Variants in EFCAB8 observed in about 807,000 individuals in gnomAD.
The protein encoded by EFCAB8 is EF-hand calcium binding domain 8.
EFCAB8 carries 100 observed loss-of-function variants against 116.3 expected under a neutral mutation model. The observed-to-expected ratio is 0.86, with a 90% CI of 0.73 to 1.02. The LOEUF (loss-of-function observed/expected upper bound fraction) is 1.02, where lower values mean the gene tolerates loss of function less well. Among genes scored for constraint, EFCAB8 ranks in the 50% least tolerant of loss-of-function variants. The pLI is 0.00. For missense variants in EFCAB8, 1,320 were observed against 1,416.9 expected (o/e 0.93, Z 1.10); for synonymous variants, 558 against 567.9 (o/e 0.98, Z 0.25).
chr20:32,905,759 C>CAAAAAAAAAAA lies in EFCAB8; in HGVS notation c.1089-799_1089-789dup, dbSNP rs571052063. On this transcript the variant is annotated intron_variant, in intron 11 of 26. Transcript: ENST00000400522. ...TGGGCGACAGAGTGAGACTCCATCT[C>CAAAAAAAAAAA]AAAAAAAAAAAAAAGGACATTCCTT... 2.2e-4 allele frequency among the ~76,000 whole-genome samples: 16 copies of CAAAAAAAAAAA among 71,504 alleles called. 4 individuals carry two copies. The highest frequency in any genetic ancestry group is 4.7e-4 in the South Asian group (1 of 2,128). The allele number at this position is 71,504 out of a possible 152,430, so 46.9% of individuals were successfully genotyped here.
chr20:32,907,098 G>T, intron 13 of EFCAB8, 104 bp downstream of exon 13: 1 of 1,431,754 alleles, frequency 7.0e-7, no homozygotes, highest in Non-Finnish European at 9.1e-7. Flanking sequence ...CTGGCCAAAG[G>T]CCTAGCAGGA....
chr20:32,862,858 G>C (rs6058916), intron 1 of EFCAB8, among the ~76,000 whole-genome samples: 108,509 of 151,890 alleles, frequency 0.71, 39,146 homozygotes, highest in Middle Eastern at 0.81. Flanking sequence ...CATTTGAACT[G>C]TTGACCTCAG....
chr20:32,890,806 A>G (rs954797604), intron 7 of EFCAB8, among the ~76,000 whole-genome samples: 2 of 152,266 alleles, frequency 1.3e-5, no homozygotes, highest in Admixed American at 6.5e-5. Context: ...GCCTCGCTTT[A>G]CCCAGAGGTA....
rs764031779 is a variant in EFCAB8, at chr20:32,918,472, C to T, written c.2172C>T (p.Pro724=). Residue 724 remains proline, a synonymous_variant, in exon 19 of 27, where the codon CCC becomes CCT. Coordinates refer to ENST00000400522, the MANE Select transcript of EFCAB8 (RefSeq NM_001143967.2). The stretch of plus-strand genomic sequence containing the variant: ...CCAGGAAGCTCTCCAGTCTCAGCCC[C>T]GAGTCTGTGGCCAATACCAACCTGA... ...KTSRKLSSLS[P]ESVANTNLRR... 174 of 1,551,730 alleles carry T rather than the reference C, an allele frequency of 1.1e-4. No individual in the cohort carries two copies. Among genetic ancestry groups the T allele is most frequent in the Non-Finnish European group, 1.4e-4 (161 of 1,147,004 alleles).
At chr20:32,877,341 TG>T (rs1985031995) in intron 4 of EFCAB8, among the ~76,000 whole-genome samples, 1 of 151,774 alleles carries the variant, frequency 6.6e-6, no homozygotes, top group African/African-American at 2.4e-5. Flanking sequence ...CCCGAGTAGC[TG>T]GGATTACAGG....
Position 32,961,705 on chromosome 20 carries a change from G to T in EFCAB8, c.*96G>T. ...TTATTCCCTACCAGACCCAGAGGAT[G>T]TGGCTCTTCCCCCGGCCACCCCACT... On this transcript the variant is annotated 3_prime_UTR_variant, in exon 27 of 27. Coordinates refer to ENST00000400522, the MANE Select transcript of EFCAB8 (RefSeq NM_001143967.2). 1 of 758,808 alleles carries T rather than the reference G, an allele frequency of 1.3e-6. No homozygotes were observed. Among genetic ancestry groups the T allele is most frequent in the Non-Finnish European group, 1.8e-6 (1 of 548,382 alleles). The allele number at this position is 758,808 out of a possible 1,614,324, so 47.0% of individuals were successfully genotyped here.
intron 17 of EFCAB8, among the ~76,000 whole-genome samples, chr20:32,914,972 C>G (rs1957921374): frequency 6.6e-6 from 1 of 152,002 alleles, no homozygotes; most frequent in Admixed American, 6.6e-5. Context: ...GATTATCGCT[C>G]ACTGCAGCCT....
intron 9 of EFCAB8, 34 bp downstream of exon 9, chr20:32,893,332 TGG>T: frequency 6.4e-7 from 1 of 1,551,140 alleles, no homozygotes; most frequent in Non-Finnish European, 8.7e-7. Flanking sequence ...GGCAGAGGCC[TGG>T]GCATGGCCTA....
At chr20:32,899,213 G>A (rs897797078) in intron 11 of EFCAB8, among the ~76,000 whole-genome samples, 14 of 149,862 alleles carry the variant, frequency 9.3e-5, no homozygotes, top group African/African-American at 3.2e-4. Flanking sequence ...GCGAAACCCC[G>A]TCTCTACTAA....
At chr20:32,939,705 T>C (rs1988326482) in intron 22 of EFCAB8, among the ~76,000 whole-genome samples, 1 of 142,524 alleles carries the variant, frequency 7.0e-6, no homozygotes. Context: ...CTTTTTTTTT[T>C]CTTCTATTTG....
At chr20:32,920,292 CG>C in intron 20 of EFCAB8, 77 bp downstream of exon 20, 1 of 1,509,198 alleles carries the variant, frequency 6.6e-7, no homozygotes, top group South Asian at 1.3e-5. Flanking sequence ...GGATGGGGCT[CG>C]GGGGCCTGGG....
intron 6 of EFCAB8, 23 bp downstream of exon 6, chr20:32,885,663 G>A (rs777544913): frequency 5.6e-5 from 87 of 1,551,284 alleles, no homozygotes; most frequent in Admixed American, 7.9e-5. Flanking sequence ...CCTACACATG[G>A]TGCACACATG....
chr20:32,899,417 A>G (rs111901164), intron 11 of EFCAB8, among the ~76,000 whole-genome samples: 5,645 of 151,160 alleles, frequency 0.037, 142 homozygotes, highest in East Asian at 0.079. Context: ...AAAAAAAAAA[A>G]AAAAGAAAAA....
chr20:32,928,790 T>A (rs910058139), intron 20 of EFCAB8, among the ~76,000 whole-genome samples: 12 of 152,216 alleles, frequency 7.9e-5, no homozygotes, highest in African/African-American at 2.7e-4. Context: ...TTGTTCCTAA[T>A]TCCAGAGGAA....
At chr20:32,872,101 T>C (rs1984710773) in intron 3 of EFCAB8, among the ~76,000 whole-genome samples, 1 of 152,198 alleles carries the variant, frequency 6.6e-6, no homozygotes, top group Non-Finnish European at 1.5e-5. Flanking sequence ...TTTCCATTTA[T>C]TCCTTGATCC....
At chr20:32,878,344 G>T (rs751135268) in intron 4 of EFCAB8, among the ~76,000 whole-genome samples, 11 of 151,936 alleles carry the variant, frequency 7.2e-5, no homozygotes, top group Non-Finnish European at 1.3e-4. Context: ...AATAAACTGT[G>T]ATCACACCAC....
chr20:32,915,016 GC>G (rs1341184430), intron 17 of EFCAB8, among the ~76,000 whole-genome samples: 1 of 151,840 alleles, frequency 6.6e-6, no homozygotes, highest in Non-Finnish European at 1.5e-5. Flanking sequence ...TCCCACCCCA[GC>G]CTCCAGAGTA....
Position 32,930,558 on chromosome 20 carries a change from T to C in EFCAB8, c.2573T>C (p.Met858Thr). 6.4e-7 allele frequency: 1 copy of C among 1,552,330 alleles called. No homozygotes were observed. Among genetic ancestry groups the C allele is most frequent in the Non-Finnish European group, 8.7e-7 (1 of 1,147,114 alleles). ...LDNGDVVVGA[M>T]ATDKNDWILI... ...AATGGGGATGTTGTCGTGGGTGCCA[T>C]GGCCACTGATAAAAATGACTGGATC... The change falls in exon 21 of 27, where the codon ATG becomes ACG. Residue 858 changes from methionine to threonine, a missense_variant. Met to Thr is a moderately conservative substitution (Grantham distance 81). Transcript: ENST00000400522.
In EFCAB8 at chr20:32,935,188, C is replaced by CTTTTTTTTTTTTT. The variant is rs754022404; in HGVS notation, c.2790+3855_2790+3856insTTTTTTTTTTTTT. On this transcript the variant is annotated intron_variant, in intron 22 of 26. Coordinates refer to ENST00000400522, the MANE Select transcript of EFCAB8 (RefSeq NM_001143967.2). Reference sequence around the variant, plus strand: ...TCTCTTCTCTTTTCTTTCTTTCTTTCTTTCTTTTTTTTTTTTTTTTTTTTT... The same window carrying CTTTTTTTTTTTTT: ...TCTCTTCTCTTTTCTTTCTTTCTTTCTTTTTTTTTTTTTTTTCTTTTTTTTTTTTTTTTTTTTT... Among the ~76,000 whole-genome samples, 38 of 66,894 alleles carry CTTTTTTTTTTTTT rather than the reference C, an allele frequency of 5.7e-4. 1 individual carries two copies. Among genetic ancestry groups the CTTTTTTTTTTTTT allele is most frequent in the African/African-American group, 1.0e-3 (13 of 12,962 alleles). The allele number at this position is 66,894 out of a possible 152,430, so 43.9% of individuals were successfully genotyped here.
Sources: allele counts gnomAD v4.1 joint callset (sites outside exome capture counted in the v4.1 genomes callset), GRCh38; gene constraint gnomAD v4.1.1; transcripts MANE v1.5; gene names NCBI Gene and HGNC (gene_info 2026-07-23, HGNC 2026-07-21).